ATG10: variants seen among roughly 807,000 people sequenced by gnomAD.
ATG10 encodes the protein autophagy related 10, also known as ubiquitin-like-conjugating enzyme ATG10.
Under a neutral mutation model 32.1 loss-of-function variants are expected in ATG10, and 30 were observed. The observed-to-expected ratio is 0.94, with a 90% CI of 0.70 to 1.27. The LOEUF (loss-of-function observed/expected upper bound fraction) is 1.27. Ranked by LOEUF, ATG10 falls within the 50% of genes most tolerant of loss-of-function variation. The pLI is 0.00. For synonymous variants in ATG10, 87 were observed against 91.5 expected (o/e 0.95, Z 0.28); for missense variants, 233 against 262.3 (o/e 0.89, Z 0.77).
intron 5 of ATG10, among the ~76,000 whole-genome samples, chr5:82,248,022 TTTTTCTTTTGCC>T (rs1747101052): frequency 6.6e-6 from 1 of 152,214 alleles, no homozygotes; most frequent in Non-Finnish European, 1.5e-5. Context: ...CTATAATGCT[TTTTTCTTTTGCC>T]AATGGATGTG....
chr5:82,234,488 A>T (rs1030919854), intron 5 of ATG10, among the ~76,000 whole-genome samples: 4 of 152,072 alleles, frequency 2.6e-5, no homozygotes, highest in Admixed American at 2.6e-4. Context: ...TGCATCTCAC[A>T]CCCCAGACTA....
intron 2 of ATG10, among the ~76,000 whole-genome samples, chr5:82,014,478 G>C (rs1762221329): frequency 6.6e-6 from 1 of 152,114 alleles, no homozygotes; most frequent in African/African-American, 2.4e-5. Flanking sequence ...CTCTTTGTAG[G>C]TCTCTAAGGA....
chr5:81,996,366 G>T (rs1325806263), intron 2 of ATG10, among the ~76,000 whole-genome samples: 1 of 152,084 alleles, frequency 6.6e-6, no homozygotes, highest in Non-Finnish European at 1.5e-5. Flanking sequence ...GCCTCCCCGA[G>T]TAGTTGGGAC....
Position 81,974,457 on chromosome 5 carries a change from TG to T in ATG10, c.-13+2152del, listed in dbSNP as rs200316072. Among the ~76,000 whole-genome samples, 806 of 152,300 alleles carry T rather than the reference TG, an allele frequency of 5.3e-3. 5 individuals carry two copies. The highest frequency in any genetic ancestry group is 0.014 in the Middle Eastern group (4 of 294). ...CAGGAAGAGGGCTTAGTAATAGGAG[TG>T]TAGCTTTGAAGCTAGGGTTATTTCA... On this transcript the variant is annotated intron_variant, in intron 1 of 7. Coordinates refer to ENST00000282185, the MANE Select transcript of ATG10 (RefSeq NM_031482.5).
At chr5:82,168,743 T>A (rs932607171) in intron 4 of ATG10, among the ~76,000 whole-genome samples, 1 of 152,130 alleles carries the variant, frequency 6.6e-6, no homozygotes, top group Admixed American at 6.6e-5. Flanking sequence ...GCAGCATGAA[T>A]CAAACTAAGA....
At chr5:82,055,500 A>G (rs902387371) in intron 2 of ATG10, among the ~76,000 whole-genome samples, 1 of 152,144 alleles carries the variant, frequency 6.6e-6, no homozygotes, top group Non-Finnish European at 1.5e-5. Context: ...TTGCATTGTT[A>G]TTAGAATTTT....
intron 3 of ATG10, among the ~76,000 whole-genome samples, chr5:82,118,147 T>G (rs1765882220): frequency 6.6e-6 from 1 of 151,622 alleles, no homozygotes; most frequent in African/African-American, 2.4e-5. Context: ...ATATTGATGT[T>G]ATTTTTGACT....
chr5:82,159,849 AT>A (rs1469164277), intron 3 of ATG10, among the ~76,000 whole-genome samples: 3 of 152,058 alleles, frequency 2.0e-5, no homozygotes, highest in African/African-American at 7.2e-5. Context: ...TGTGCTTTCC[AT>A]TTTTTTATTG....
rs1054389680 is a variant in ATG10, at chr5:82,012,305, G to T, written c.108+24627G>T. 3.3e-5 allele frequency among the ~76,000 whole-genome samples: 5 copies of T among 152,260 alleles called. No homozygotes were observed. In the East Asian group the frequency reaches 5.8e-4, roughly 18 times the overall value. On this transcript the variant is annotated intron_variant, in intron 2 of 7. Transcript: ENST00000282185. Reference sequence around the variant, plus strand: ...AACAATTTTGTTCAGTTTCAAAGTTGTTTTTTGAAGGGGATTTGTAGTCCT... The same window carrying T: ...AACAATTTTGTTCAGTTTCAAAGTTTTTTTTTGAAGGGGATTTGTAGTCCT...
chr5:82,177,937 A>G (rs1407365120), intron 4 of ATG10, among the ~76,000 whole-genome samples: 1 of 152,070 alleles, frequency 6.6e-6, no homozygotes, highest in Non-Finnish European at 1.5e-5. Flanking sequence ...AGACCACTCT[A>G]CTGTAATATA....
chr5:82,221,065 CTT>C (rs1183231027), intron 5 of ATG10, among the ~76,000 whole-genome samples: 1 of 152,170 alleles, frequency 6.6e-6, no homozygotes, highest in Non-Finnish European at 1.5e-5. Flanking sequence ...CCTTCCATCT[CTT>C]TTATGGTTTC....
intron 1 of ATG10, among the ~76,000 whole-genome samples, chr5:81,983,803 G>A (rs1393865038): frequency 6.6e-6 from 1 of 151,444 alleles, no homozygotes; most frequent in Non-Finnish European, 1.5e-5. Flanking sequence ...GCCAGGCAGA[G>A]ACGCTCCTCA....
chr5:82,224,924 A>G (rs1225227851), intron 5 of ATG10, among the ~76,000 whole-genome samples: 1 of 152,244 alleles, frequency 6.6e-6, no homozygotes, highest in African/African-American at 2.4e-5. Context: ...TCTGCCTCCC[A>G]TGTATTAAAA....
chr5:82,050,818 A>G (rs987917877), intron 2 of ATG10, among the ~76,000 whole-genome samples: 114 of 143,342 alleles, frequency 8.0e-4, no homozygotes, highest in African/African-American at 2.7e-3. Context: ...CCTAGGCAAC[A>G]TAGCAAGACC....
chr5:82,084,354 G>C (rs768869638), intron 3 of ATG10, among the ~76,000 whole-genome samples: 1 of 152,214 alleles, frequency 6.6e-6, no homozygotes, highest in African/African-American at 2.4e-5. Flanking sequence ...ATCTACGTCT[G>C]ATTGGTGTAC....
intron 1 of ATG10, among the ~76,000 whole-genome samples, chr5:81,973,711 CTT>C (rs1760794122): frequency 6.6e-6 from 1 of 152,166 alleles, no homozygotes; most frequent in South Asian, 2.1e-4. Flanking sequence ...AAGTAGAATC[CTT>C]TCTCATTGCT....
chr5:81,993,310 C>CTTT lies in ATG10; in HGVS notation c.108+5632_108+5633insTTT, dbSNP rs59371349. Among the ~76,000 whole-genome samples, 302 of 61,344 alleles carry CTTT rather than the reference C, an allele frequency of 4.9e-3. 4 individuals are homozygous for CTTT. Among genetic ancestry groups the CTTT allele is most frequent in the East Asian group, 0.019 (20 of 1,036 alleles). The allele number at this position is 61,344 out of a possible 152,430, so 40.2% of individuals were successfully genotyped here. ...CTTTCCTTCTTTCTTTCCTTTCTTTCCTTTCTTTCTTTCTTTCCTTCCTTC... is the reference window on the plus strand; with the variant it reads ...CTTTCCTTCTTTCTTTCCTTTCTTTCTTTCTTTCTTTCTTTCTTTCCTTCCTTC... On this transcript the variant is annotated intron_variant, in intron 2 of 7. Transcript: ENST00000282185.
intron 2 of ATG10, chr5:82,010,039 G>A (rs1178866637): frequency 1.9e-5 from 31 of 1,610,492 alleles, no homozygotes; most frequent in African/African-American, 5.3e-5. Flanking sequence ...AAGGAGACGC[G>A]GCCCAAGGGC....
At chr5:82,115,328 A>G (rs560220900) in intron 3 of ATG10, among the ~76,000 whole-genome samples, 1 of 152,090 alleles carries the variant, frequency 6.6e-6, no homozygotes, top group African/African-American at 2.4e-5. Context: ...ATGTTTTCAG[A>G]TGAAGTTACA....
Sources: gnomAD v4.1 joint callset for allele counts (sites outside exome capture counted in the v4.1 genomes callset) on GRCh38, gnomAD v4.1.1 for gene constraint, MANE v1.5 for transcripts, NCBI Gene and HGNC (gene_info 2026-07-23, HGNC 2026-07-21) for gene names.